Variants in POLA1 observed in about 807,000 individuals in gnomAD.
POLA1 encodes DNA polymerase alpha 1, catalytic subunit.
POLA1 carries 15 observed loss-of-function variants against 124.0 expected under a neutral mutation model. That is an observed-to-expected ratio of 0.12 (90% CI 0.08 to 0.19). POLA1 has a LOEUF of 0.19. Ranked by LOEUF, POLA1 falls within the 10% of genes least tolerant of loss-of-function variation. POLA1 has a pLI of 1.00. For synonymous variants in POLA1, 408 were observed against 389.4 expected (o/e 1.05, Z -0.56); for missense variants, 886 against 1,103.4 (o/e 0.80, Z 2.79).
At position 24,727,672 on chromosome X, in the gene POLA1, A is replaced by G. The variant is rs879226774; in HGVS notation, c.1532-110A>G. 4.5e-5 allele frequency: 26 copies of G among 575,349 alleles called. No individual in the cohort carries two copies. In the South Asian group the frequency reaches 8.9e-4, roughly 20 times the overall value. The allele number at this position is 575,349 out of a possible 1,213,427, so 47.4% of individuals were successfully genotyped here. ...TTAGATGTTACAATATGTCATTCTT[A>G]TTAGAAGGCAGGGTTGAAGAATATG... On this transcript the variant is annotated intron_variant, in intron 14 of 36. Coordinates refer to ENST00000379068, the MANE Select transcript of POLA1 (RefSeq NM_001330360.2).
chrX:24,786,247 A>G (rs1318334933), intron 26 of POLA1, among the ~76,000 whole-genome samples: 6 of 111,821 alleles, frequency 5.4e-5, no homozygotes, highest in Non-Finnish European at 1.1e-4. Flanking sequence ...GAACCTCCAT[A>G]CTGTTTTCCA....
Position 24,748,414 on chromosome X carries a change from A to G in POLA1, c.2795A>G (p.Lys932Arg). 8.3e-7 allele frequency: 1 copy of G among 1,204,136 alleles called. No individual in the cohort carries two copies. Among genetic ancestry groups the G allele is most frequent in the Admixed American group, 2.2e-5 (1 of 45,979 alleles). ...RKLVERRKQVKQLMKQQDLNP... is the reference protein window; with the variant it reads ...RKLVERRKQVRQLMKQQDLNP... Reference sequence around the variant, plus strand: ...CTGGTAGAACGGAGAAAACAAGTCAAACAGCTAATGAAACAGCAAGACTTA... The same window carrying G: ...CTGGTAGAACGGAGAAAACAAGTCAGACAGCTAATGAAACAGCAAGACTTA... The change falls in exon 25 of 37, where the codon AAA becomes AGA. Residue 932 changes from lysine to arginine, a missense_variant. Physicochemically the swap from Lys to Arg is conservative, Grantham distance 26. Transcript: ENST00000379068.
At chrX:24,942,675 C>T (rs2047919795) in intron 36 of POLA1, among the ~76,000 whole-genome samples, 1 of 111,888 alleles carries the variant, frequency 8.9e-6, no homozygotes, top group Admixed American at 9.4e-5. Flanking sequence ...AAGCTTTAAA[C>T]TCAGGACTAT....
intron 26 of POLA1, among the ~76,000 whole-genome samples, chrX:24,750,544 C>T (rs1932270201): frequency 1.8e-5 from 2 of 112,474 alleles, no homozygotes. Flanking sequence ...CTGTTGGCAG[C>T]CGTATCTCAA....
At chrX:24,726,667 A>G (rs1386865647) in intron 13 of POLA1, among the ~76,000 whole-genome samples, 1 of 112,246 alleles carries the variant, frequency 8.9e-6, no homozygotes, top group African/African-American at 3.2e-5. Flanking sequence ...AGCTCTGGAC[A>G]GAAATTTTCT....
intron 35 of POLA1, among the ~76,000 whole-genome samples, chrX:24,888,578 T>G (rs1250091625): frequency 1.8e-5 from 2 of 108,386 alleles, no homozygotes; most frequent in Non-Finnish European, 3.8e-5. Context: ...TGAAGCCATT[T>G]TTCTTTGTTT....
Position 24,717,691 on chromosome X carries a change from G to A in POLA1, c.1020G>A (p.Gly340=). 1 of 1,207,857 alleles carries A rather than the reference G, an allele frequency of 8.3e-7. No individual in the cohort carries two copies. The highest frequency in any genetic ancestry group is 3.0e-5 in the East Asian group (1 of 33,822). ...CCAGTCACCTCCCATTGGTAAAAGG[G>A]GCAGATGAGGAACAAGTATTCCACT... The part of the protein sequence containing the change: ...VDSSHLPLVK[G]ADEEQVFHFY... Residue 340 remains glycine (G), a synonymous_variant, in exon 10 of 37, where the codon GGG becomes GGA. Coordinates refer to ENST00000379068, the MANE Select transcript of POLA1 (RefSeq NM_001330360.2).
intron 26 of POLA1, among the ~76,000 whole-genome samples, chrX:24,789,332 T>TA (rs2045447100): frequency 9.0e-6 from 1 of 111,555 alleles, no homozygotes; most frequent in Non-Finnish European, 1.9e-5. Flanking sequence ...AAAATCAACA[T>TA]ACAAAAATCA....
Position 24,737,849 on chromosome X carries a change from A to T in POLA1, c.2040+108A>T, listed in dbSNP as rs748823003. 5.0e-5 allele frequency: 20 copies of T among 402,580 alleles called. No individual in the cohort carries two copies. The East Asian group carries it at 7.6e-4, about 15-fold the overall frequency. The allele number at this position is 402,580 out of a possible 1,213,427, so 33.2% of individuals were successfully genotyped here. ...CAGGAATTGGTTATCTTGTTATGGG[A>T]ACTTCAGTACATTTTAACTTTGGCA... On this transcript the variant is annotated intron_variant, in intron 19 of 36. Coordinates refer to ENST00000379068, the MANE Select transcript of POLA1 (RefSeq NM_001330360.2).
chrX:24,968,928 G>C (rs193052348), intron 36 of POLA1, among the ~76,000 whole-genome samples: 2 of 111,081 alleles, frequency 1.8e-5, no homozygotes, highest in East Asian at 5.7e-4. Flanking sequence ...CCATAATCTA[G>C]CAGGATGCGG....
chrX:24,949,126 A>G (rs1225277744), intron 36 of POLA1, among the ~76,000 whole-genome samples: 2 of 112,150 alleles, frequency 1.8e-5, no homozygotes, highest in Admixed American at 9.5e-5. Context: ...GTCCTAAGAC[A>G]TGGGACCACA....
At chrX:24,791,964 T>A (rs1257118714) in intron 26 of POLA1, among the ~76,000 whole-genome samples, 2 of 112,126 alleles carry the variant, frequency 1.8e-5, no homozygotes, top group Non-Finnish European at 1.9e-5. Flanking sequence ...TTATTGAATG[T>A]TTACTCAAAA....
intron 34 of POLA1, among the ~76,000 whole-genome samples, chrX:24,882,951 G>C (rs1425064885): frequency 9.0e-6 from 1 of 111,518 alleles, no homozygotes; most frequent in Non-Finnish European, 1.9e-5. Flanking sequence ...TGGCTGAACT[G>C]ATTTACATTC....
intron 36 of POLA1, among the ~76,000 whole-genome samples, chrX:24,967,718 A>T: frequency 2.7e-5 from 1 of 37,518 alleles, no homozygotes; most frequent in South Asian, 8.2e-4. Context: ...TCTCAAGCTT[A>T]CTTAAGACCT....
intron 31 of POLA1, among the ~76,000 whole-genome samples, chrX:24,823,549 G>A (rs899525658): frequency 8.1e-5 from 9 of 110,670 alleles, no homozygotes; most frequent in African/African-American, 2.6e-4. Context: ...TTACAGGCAC[G>A]CGCCACCATG....
intron 34 of POLA1, among the ~76,000 whole-genome samples, chrX:24,863,711 T>C (rs2046752395): frequency 1.8e-5 from 2 of 111,450 alleles, no homozygotes; most frequent in Non-Finnish European, 1.9e-5. Context: ...TGAAAATCTT[T>C]TGAATATTTT....
chrX:24,944,779 A>G (rs1029729220), intron 36 of POLA1, among the ~76,000 whole-genome samples: 2 of 112,389 alleles, frequency 1.8e-5, no homozygotes, highest in Admixed American at 9.5e-5. Flanking sequence ...AAGTAAAGGG[A>G]AAGATAATAT....
In POLA1 at chrX:24,733,868, G is replaced by A. The variant is rs747616172; in HGVS notation, c.1833+52G>A. On this transcript the variant is annotated intron_variant, in intron 17 of 36. Coordinates refer to ENST00000379068, the MANE Select transcript of POLA1 (RefSeq NM_001330360.2). ...TGTTTGTTTGGAGCGAGAAAGAAAA[G>A]GGGGGTGGTATGGACTAGTAGAAAA... The A allele has an allele frequency of 1.8e-5, 12 of 680,401 alleles. No individual in the cohort carries two copies. The South Asian group carries it at 3.3e-4, about 19-fold the overall frequency. The allele number at this position is 680,401 out of a possible 1,213,427, so 56.1% of individuals were successfully genotyped here. A position where few individuals can be genotyped will look rare whatever the true frequency, so the allele number is the denominator to read the frequency against.
intron 26 of POLA1, among the ~76,000 whole-genome samples, chrX:24,805,802 C>A (rs1348184615): frequency 9.0e-6 from 1 of 110,646 alleles, no homozygotes; most frequent in Non-Finnish European, 1.9e-5. Flanking sequence ...ATTTAGCAAG[C>A]CTTTATAGCC....
Sources: allele counts gnomAD v4.1 joint callset (sites outside exome capture counted in the v4.1 genomes callset), GRCh38; gene constraint gnomAD v4.1.1; transcripts MANE v1.5; gene names NCBI Gene and HGNC (gene_info 2026-07-23, HGNC 2026-07-21).